ZDHHC2: variants seen among roughly 807,000 people sequenced by gnomAD.
ZDHHC2 encodes palmitoyltransferase ZDHHC2.
ZDHHC2 carries 51 observed loss-of-function variants against 55.6 expected under a neutral mutation model. That is an observed-to-expected ratio of 0.92 (90% CI 0.73 to 1.16). ZDHHC2 has a LOEUF of 1.16. Ranked by LOEUF, ZDHHC2 falls within the 50% of genes most tolerant of loss-of-function variation. The pLI is 0.00. For synonymous variants in ZDHHC2, 199 were observed against 152.9 expected (o/e 1.30, Z -2.22); for missense variants, 491 against 442.4 (o/e 1.11, Z -0.99).
chr8:17,199,465 A>ACTTCTTCTTCTTCTTCTT (rs377014817), intron 6 of ZDHHC2, among the ~76,000 whole-genome samples: 19 of 98,630 alleles, frequency 1.9e-4, no homozygotes, highest in African/African-American at 4.8e-4. Flanking sequence ...CTTTAATAAG[A>ACTTCTTCTTCTTCTTCTT]CTTCTTCTTC....
At chr8:17,184,951 C>G (rs2150906661) in intron 2 of ZDHHC2, 136 bp downstream of exon 2, 1 of 741,042 alleles carries the variant, frequency 1.3e-6, no homozygotes, top group East Asian at 2.8e-5. Flanking sequence ...TGTCTCATTT[C>G]TCTTAAGTTT....
intron 1 of ZDHHC2, among the ~76,000 whole-genome samples, chr8:17,184,454 C>T (rs1359934373): frequency 6.6e-6 from 1 of 152,220 alleles, no homozygotes; most frequent in African/African-American, 2.4e-5. Context: ...GAGAGCATTG[C>T]TTTTATCTGA....
intron 1 of ZDHHC2, among the ~76,000 whole-genome samples, chr8:17,159,600 T>G (rs995882557): frequency 2.6e-5 from 4 of 152,208 alleles, no homozygotes; most frequent in Non-Finnish European, 5.9e-5. Flanking sequence ...TCTAGGCACT[T>G]TTTCAGTTAG....
intron 6 of ZDHHC2, among the ~76,000 whole-genome samples, chr8:17,201,761 G>C (rs943553691): frequency 6.6e-6 from 1 of 151,532 alleles, no homozygotes; most frequent in East Asian, 1.9e-4. Flanking sequence ...CTCCCAAAGT[G>C]GTAGGATTAC....
At chr8:17,184,891 G>A in intron 2 of ZDHHC2, 76 bp downstream of exon 2, 2 of 1,310,556 alleles carry the variant, frequency 1.5e-6, no homozygotes, top group Non-Finnish European at 2.1e-6. Context: ...GATTTGGTTG[G>A]GATTAATAAA....
intron 1 of ZDHHC2, among the ~76,000 whole-genome samples, chr8:17,166,680 C>T (rs535037078): frequency 6.6e-6 from 1 of 152,156 alleles, no homozygotes; most frequent in African/African-American, 2.4e-5. Flanking sequence ...GCAAAGAAGA[C>T]TGAGAAGGAG....
chr8:17,219,459 A>G (rs945566727), intron 12 of ZDHHC2, among the ~76,000 whole-genome samples: 1 of 151,762 alleles, frequency 6.6e-6, no homozygotes, highest in South Asian at 2.1e-4. Flanking sequence ...ATCATATGGT[A>G]TAAATAAAAA....
intron 3 of ZDHHC2, among the ~76,000 whole-genome samples, chr8:17,195,074 A>T (rs1806236955): frequency 6.6e-6 from 1 of 152,198 alleles, no homozygotes; most frequent in Non-Finnish European, 1.5e-5. Flanking sequence ...CCTAAGTTAA[A>T]ACTCACTTAG....
intron 6 of ZDHHC2, among the ~76,000 whole-genome samples, chr8:17,199,151 T>C (rs1806482167): frequency 6.6e-6 from 1 of 152,178 alleles, no homozygotes; most frequent in African/African-American, 2.4e-5. Flanking sequence ...AGGTCCACAG[T>C]AGGTATAGGG....
chr8:17,197,671 C>T lies in ZDHHC2; in HGVS notation c.443+20C>T, dbSNP rs752274990. ...TGATAAGTAAGAGAACCTTTAACTT[C>T]TAAAATATCTACATGCTGGTGGTCT... On this transcript the variant is annotated intron_variant, in intron 5 of 12. Transcript: ENST00000262096. The T allele has an allele frequency of 6.9e-6, 11 of 1,599,526 alleles. No homozygotes were observed. The South Asian group carries it at 1.0e-4, about 15-fold the overall frequency.
chr8:17,204,305 AGAT>A (rs1806979082), intron 6 of ZDHHC2, among the ~76,000 whole-genome samples: 1 of 152,214 alleles, frequency 6.6e-6, no homozygotes, highest in African/African-American at 2.4e-5. Flanking sequence ...ATGGAGAGTG[AGAT>A]GATTTTTACC....
At chr8:17,184,047 G>C (rs979023087) in intron 1 of ZDHHC2, among the ~76,000 whole-genome samples, 39 of 152,274 alleles carry the variant, frequency 2.6e-4, no homozygotes, top group African/African-American at 9.1e-4. Context: ...TGCTACAGCT[G>C]AGATAGGGCA....
chr8:17,211,246 G>C (rs1014268429), intron 10 of ZDHHC2, among the ~76,000 whole-genome samples: 1 of 152,140 alleles, frequency 6.6e-6, no homozygotes, highest in Admixed American at 6.5e-5. Context: ...CCATTCCTCT[G>C]ATTTTTCAAT....
chr8:17,201,479 C>CTTTTTTTTTTTTTTTTTTTTT (rs1563163077), intron 6 of ZDHHC2, among the ~76,000 whole-genome samples: 1 of 88,194 alleles, frequency 1.1e-5, no homozygotes, highest in African/African-American at 3.5e-5. Flanking sequence ...CTCTCTCTCT[C>CTTTTTTTTTTTTTTTTTTTTT]TCTTTTTTTT....
At chr8:17,218,901 C>T (rs1165300887) in intron 12 of ZDHHC2, among the ~76,000 whole-genome samples, 1 of 151,934 alleles carries the variant, frequency 6.6e-6, no homozygotes, top group Non-Finnish European at 1.5e-5. Context: ...CAATTCATTC[C>T]AGTTGTATTT....
chr8:17,160,774 A>T (rs1315090629), intron 1 of ZDHHC2, among the ~76,000 whole-genome samples: 2 of 152,250 alleles, frequency 1.3e-5, no homozygotes, highest in Non-Finnish European at 2.9e-5. Flanking sequence ...TGGCTTTGCA[A>T]GCCGTGTGAT....
chr8:17,193,216 G>T (rs1256666376), intron 3 of ZDHHC2, among the ~76,000 whole-genome samples: 2 of 152,186 alleles, frequency 1.3e-5, no homozygotes, highest in African/African-American at 2.4e-5. Context: ...GTTAGGTGTT[G>T]TGATCTAAGC....
At chr8:17,158,167 T>G (rs866840752) in intron 1 of ZDHHC2, among the ~76,000 whole-genome samples, 4 of 152,288 alleles carry the variant, frequency 2.6e-5, no homozygotes, top group Middle Eastern at 3.4e-3. Context: ...TGCATTTAGG[T>G]ATGCAGTCGT....
intron 1 of ZDHHC2, among the ~76,000 whole-genome samples, chr8:17,171,089 C>T (rs570302278): frequency 3.3e-5 from 5 of 152,126 alleles, no homozygotes; most frequent in African/African-American, 9.6e-5. Context: ...TCTACTGAGT[C>T]AGTCATGGCC....
Sources: allele counts gnomAD v4.1 joint callset (sites outside exome capture counted in the v4.1 genomes callset), GRCh38; gene constraint gnomAD v4.1.1; transcripts MANE v1.5; gene names NCBI Gene and HGNC (gene_info 2026-07-23, HGNC 2026-07-21).